Variants in ADGRF1 observed in about 807,000 individuals in gnomAD.
ADGRF1 encodes G protein-coupled receptor 110.
In ADGRF1, 85 loss-of-function variants were observed where a neutral mutation model predicts 87.2. The observed-to-expected ratio is 0.97, with a 90% CI of 0.82 to 1.17. The LOEUF is 1.17. Ranked by LOEUF, ADGRF1 falls within the 50% of genes most tolerant of loss-of-function variation. The probability of loss-of-function intolerance (pLI) is 0.00; values close to 1 mark genes in which losing one functional copy is unlikely to be tolerated. For missense variants in ADGRF1, 1,169 were observed against 1,077.2 expected, an observed-to-expected ratio of 1.09 and a Z score of -1.19; for synonymous variants, 430 against 408.8, an observed-to-expected ratio of 1.05 and a Z score of -0.63.
chr6:47,004,075 C>G (rs1203016769), intron 13 of ADGRF1, among the ~76,000 whole-genome samples: 2 of 152,130 alleles, frequency 1.3e-5, no homozygotes, highest in Non-Finnish European at 2.9e-5. Context: ...TCTTCACTGG[C>G]TCACCCCTCC....
intron 13 of ADGRF1, among the ~76,000 whole-genome samples, chr6:47,003,272 C>T (rs1201779856): frequency 1.3e-5 from 2 of 152,148 alleles, no homozygotes; most frequent in Non-Finnish European, 2.9e-5. Flanking sequence ...TCCAACCAAA[C>T]TCTAGCATAG....
chr6:47,003,080 C>G (rs950432456), intron 13 of ADGRF1, among the ~76,000 whole-genome samples: 1 of 148,578 alleles, frequency 6.7e-6, no homozygotes, highest in Non-Finnish European at 1.5e-5. Flanking sequence ...CCCCAACCAA[C>G]TGAATGGATC....
chr6:47,023,105 G>GT (rs1160560914), intron 5 of ADGRF1, among the ~76,000 whole-genome samples: 1 of 152,158 alleles, frequency 6.6e-6, no homozygotes, highest in Non-Finnish European at 1.5e-5. Context: ...GTAAGCCACT[G>GT]TGCCCATCTT....
chr6:47,034,091 T>C (rs1364500069), intron 1 of ADGRF1, among the ~76,000 whole-genome samples: 1 of 152,220 alleles, frequency 6.6e-6, no homozygotes, highest in African/African-American at 2.4e-5. Flanking sequence ...CTGGATGAAT[T>C]ACACTGTAAC....
At chr6:47,039,379 C>A (rs781411560) in intron 1 of ADGRF1, among the ~76,000 whole-genome samples, 1 of 152,172 alleles carries the variant, frequency 6.6e-6, no homozygotes, top group Admixed American at 6.5e-5. Flanking sequence ...CTATGAAATG[C>A]TAGGGCATAT....
chr6:47,037,744 C>T (rs149040244), intron 1 of ADGRF1, among the ~76,000 whole-genome samples: 2 of 152,250 alleles, frequency 1.3e-5, no homozygotes, highest in Non-Finnish European at 2.9e-5. Context: ...AACTCCTGGG[C>T]TCAAGTGATC....
chr6:47,031,349 C>CTT (rs1247771526), intron 1 of ADGRF1, among the ~76,000 whole-genome samples: 1 of 115,794 alleles, frequency 8.6e-6, no homozygotes, highest in Non-Finnish European at 1.8e-5. Flanking sequence ...CTCTCTCTCT[C>CTT]TGTCTCTCTC....
intron 1 of ADGRF1, among the ~76,000 whole-genome samples, chr6:47,031,901 A>AG (rs900374263): frequency 3.4e-4 from 52 of 152,082 alleles, no homozygotes; most frequent in Admixed American, 3.4e-3. Context: ...TGTAGAGACA[A>AG]GGTTTCACTA....
rs1434961332 is a variant in ADGRF1, at chr6:47,003,099, C to T, written c.2593-1532G>A. ...AACCAACTGAATGGATCCCCCCTCT[C>T]AGCCAAGGAGATTTCAAAGAAACCT... On this transcript the variant is annotated intron_variant, in intron 13 of 14. Coordinates refer to ENST00000371253, the MANE Select transcript of ADGRF1 (RefSeq NM_153840.4). 2.0e-5 allele frequency among the ~76,000 whole-genome samples: 3 copies of T among 151,014 alleles called. No homozygotes were observed. In the East Asian group the frequency reaches 5.9e-4, roughly 30 times the overall value.
In ADGRF1 at chr6:47,016,560, G is replaced by A. The variant is rs531721165; in HGVS notation, c.763+57C>T. The stretch of plus-strand genomic sequence containing the variant: ...AAATCTACTTCCTGAGGACACAAAT[G>A]AACTACTAATTAAAGGACTCTCTTA... On this transcript the variant is annotated intron_variant, in intron 8 of 14. Transcript: ENST00000371253. 2.8e-6 allele frequency: 4 copies of A among 1,405,024 alleles called. No homozygotes were observed. The South Asian group carries it at 5.5e-5, about 19-fold the overall frequency. 87.0% of individuals were successfully genotyped at this position (1,405,024 alleles called of 1,614,324 possible). A position where few individuals can be genotyped will look rare whatever the true frequency, so the allele number is the denominator to read the frequency against.
chr6:47,020,195 C>T lies in ADGRF1; in HGVS notation c.611+536G>A, dbSNP rs1002431248. 1.2e-5 allele frequency: 14 copies of T among 1,193,830 alleles called. No homozygotes were observed. In the African/African-American group the frequency reaches 2.1e-4, roughly 18 times the overall value. 74.0% of individuals were successfully genotyped at this position (1,193,830 alleles called of 1,614,324 possible). A position where few individuals can be genotyped will look rare whatever the true frequency, so the allele number is the denominator to read the frequency against. On this transcript the variant is annotated intron_variant, in intron 7 of 14. Coordinates refer to ENST00000371253, the MANE Select transcript of ADGRF1 (RefSeq NM_153840.4). ...GACCCACAGTTTTGAGAATGCTTTC[C>T]AATATTTAAGGTCCTAGGCCAGATG...
intron 12 of ADGRF1, among the ~76,000 whole-genome samples, chr6:47,006,794 T>C (rs938501166): frequency 2.6e-5 from 4 of 152,222 alleles, no homozygotes; most frequent in Admixed American, 2.6e-4. Flanking sequence ...TTTCCATTCC[T>C]GAATTACTTC....
At chr6:47,037,586 T>C (rs1780622742) in intron 1 of ADGRF1, among the ~76,000 whole-genome samples, 1 of 152,064 alleles carries the variant, frequency 6.6e-6, no homozygotes, top group South Asian at 2.1e-4. Flanking sequence ...TAGCTCACTG[T>C]AGCCCCATCC....
At chr6:47,013,220 T>G in intron 9 of ADGRF1, 1 of 985,534 alleles carries the variant, frequency 1.0e-6, no homozygotes, top group Non-Finnish European at 1.2e-6. Context: ...TCCTTCTTGT[T>G]CTTCTCAACT....
At chr6:47,007,354 AT>A in intron 11 of ADGRF1, 60 bp from the exon 12 acceptor site, 1 of 1,023,244 alleles carries the variant, frequency 9.8e-7, no homozygotes, top group South Asian at 1.4e-5. Flanking sequence ...AAAAGAAAGC[AT>A]TTATATGTAA....
chr6:47,013,733 G>T, intron 9 of ADGRF1: 7 of 834,320 alleles, frequency 8.4e-6, no homozygotes, highest in Non-Finnish European at 1.0e-5. Flanking sequence ...TGGAGGTGGG[G>T]CTTGGTGGGA....
intron 7 of ADGRF1, 136 bp downstream of exon 7, chr6:47,020,595 C>T: frequency 6.5e-7 from 1 of 1,528,068 alleles, no homozygotes; most frequent in African/African-American, 1.4e-5. Context: ...GATCCTTGTT[C>T]ACTTAGTAAA....
chr6:47,003,123 C>A (rs984988558), intron 13 of ADGRF1, among the ~76,000 whole-genome samples: 1 of 150,822 alleles, frequency 6.6e-6, no homozygotes, highest in South Asian at 2.1e-4. Flanking sequence ...TCAAAGAAAC[C>A]TGAAAAACTA....
chr6:47,008,314 A>T (rs1296016712), intron 11 of ADGRF1, among the ~76,000 whole-genome samples: 1 of 152,154 alleles, frequency 6.6e-6, no homozygotes, highest in Admixed American at 6.5e-5. Context: ...CTCTCTGAAC[A>T]CTTTCTGACT....
Sources: gnomAD v4.1 joint callset for allele counts (sites outside exome capture counted in the v4.1 genomes callset) on GRCh38, gnomAD v4.1.1 for gene constraint, MANE v1.5 for transcripts, NCBI Gene and HGNC (gene_info 2026-07-23, HGNC 2026-07-21) for gene names.